The following AGK variants were observed in gnomAD, a reference collection of about 807,000 sequenced individuals.
AGK encodes the protein acylglycerol kinase.
AGK carries 52 observed loss-of-function variants against 66.4 expected under a neutral mutation model. That is an observed-to-expected ratio of 0.78 (90% CI 0.63 to 0.99). The LOEUF is 0.99. Ranked by LOEUF, AGK falls within the 50% of genes least tolerant of loss-of-function variation. The pLI is 0.00. For synonymous variants in AGK, 182 were observed against 181.1 expected (o/e 1.00, Z -0.04); for missense variants, 451 against 506.6 (o/e 0.89, Z 1.05).
intron 11 of AGK, among the ~76,000 whole-genome samples, chr7:141,637,717 G>A (rs1447563862): frequency 1.3e-5 from 2 of 152,188 alleles, no homozygotes; most frequent in Non-Finnish European, 2.9e-5. Context: ...TTTGAATGTA[G>A]TGAGAAGGTT....
chr7:141,626,562 C>T (rs549848116), intron 9 of AGK, among the ~76,000 whole-genome samples: 9 of 152,228 alleles, frequency 5.9e-5, no homozygotes, highest in East Asian at 1.9e-4. Flanking sequence ...GTCTGCCTCC[C>T]GAAGTGATAT....
At position 141,649,483 on chromosome 7, in the gene AGK, T is replaced by G. The variant is rs149222194; in HGVS notation, c.1046+150T>G. ...GTTATTTCTTTCCTATGGGCTGACA[T>G]GTAGAGTGCCCCTCTCCTATGCTGG... On this transcript the variant is annotated intron_variant, in intron 14 of 15. Coordinates refer to ENST00000649286, the MANE Select transcript of AGK (RefSeq NM_018238.4). 2.2e-3 allele frequency: 1,410 copies of G among 633,328 alleles called. 28 individuals are homozygous for G. The Admixed American group carries it at 0.035, about 16-fold the overall frequency. The allele number at this position is 633,328 out of a possible 1,614,324, so 39.2% of individuals were successfully genotyped here. A position where few individuals can be genotyped will look rare whatever the true frequency, so the allele number is the denominator to read the frequency against.
At chr7:141,582,445 T>G (rs1795900758) in intron 2 of AGK, among the ~76,000 whole-genome samples, 1 of 152,026 alleles carries the variant, frequency 6.6e-6, no homozygotes, top group Admixed American at 6.5e-5. Flanking sequence ...AATTAAGTTC[T>G]ATTGTGGGGT....
intron 9 of AGK, among the ~76,000 whole-genome samples, chr7:141,624,436 T>G (rs1796892497): frequency 6.6e-6 from 1 of 152,168 alleles, no homozygotes; most frequent in Non-Finnish European, 1.5e-5. Context: ...CTGGAAACGA[T>G]TCACCATTCT....
At chr7:141,622,236 A>C (rs760462625) in intron 9 of AGK, among the ~76,000 whole-genome samples, 1 of 152,026 alleles carries the variant, frequency 6.6e-6, no homozygotes, top group South Asian at 2.1e-4. Context: ...AATTACAGGC[A>C]CCCACCTCCA....
At chr7:141,632,940 C>T (rs1797089469) in intron 9 of AGK, among the ~76,000 whole-genome samples, 1 of 152,202 alleles carries the variant, frequency 6.6e-6, no homozygotes, top group African/African-American at 2.4e-5. Context: ...GTAGTGGAAA[C>T]AGGAGTGAAT....
intron 2 of AGK, among the ~76,000 whole-genome samples, chr7:141,589,051 T>C (rs1447436358): frequency 6.6e-6 from 1 of 152,156 alleles, no homozygotes; most frequent in Non-Finnish European, 1.5e-5. Context: ...TCCTGTGACT[T>C]AGAATGCCCT....
chr7:141,652,107 A>T (rs966685075), intron 15 of AGK, among the ~76,000 whole-genome samples: 1 of 152,192 alleles, frequency 6.6e-6, no homozygotes, highest in Admixed American at 6.6e-5. Flanking sequence ...TTGGGAGGTT[A>T]TTCAATTGTC....
rs1412221625 is a variant in AGK, at chr7:141,555,771, ATAAAG to A, written c.101+207_101+211del. 2.0e-5 allele frequency among the ~76,000 whole-genome samples: 3 copies of A among 152,276 alleles called. No homozygotes were observed. The highest frequency in any genetic ancestry group is 7.2e-5 in the African/African-American group (3 of 41,480). ...CATACTTATATCCAGTGGTTAGAGA[ATAAAG>A]TAGAGACATCAGAAAGGAAGCTATT... On this transcript the variant is annotated intron_variant, in intron 2 of 15. Transcript: ENST00000649286. The surrounding 1 kb of genome is among the most constrained non-coding windows in gnomAD (Gnocchi z 4.2).
chr7:141,593,111 A>C (rs1476956943), intron 2 of AGK, 35 bp from the exon 3 acceptor site: 1 of 1,590,132 alleles, frequency 6.3e-7, no homozygotes, highest in Non-Finnish European at 8.6e-7. Flanking sequence ...AATCTATTAA[A>C]GCTAATGATT....
intron 2 of AGK, among the ~76,000 whole-genome samples, chr7:141,582,646 G>A (rs1187072160): frequency 1.3e-5 from 2 of 151,952 alleles, no homozygotes; most frequent in African/African-American, 2.4e-5. Context: ...GAGCCTAAAC[G>A]CTAACCAATT....
intron 2 of AGK, among the ~76,000 whole-genome samples, chr7:141,566,825 A>G (rs958814912): frequency 6.6e-6 from 1 of 151,804 alleles, no homozygotes; most frequent in Non-Finnish European, 1.5e-5. Context: ...TCTCTCCCCT[A>G]TTTGTCAGAA....
rs186979560 is a variant in AGK at position 141,571,634 on chromosome 7, A to C, written c.101+16067A>C. ...ATGTGATCAGCTTGACCCATCCATG[A>C]AAGTTAAGAAGGATCACTTCTTAGA... On this transcript the variant is annotated intron_variant, in intron 2 of 15. Coordinates refer to ENST00000649286, the MANE Select transcript of AGK (RefSeq NM_018238.4). Among the ~76,000 whole-genome samples, 3 of 152,296 alleles carry C rather than the reference A, an allele frequency of 2.0e-5. No homozygotes were observed. The East Asian group carries it at 5.8e-4, about 29-fold the overall frequency.
intron 11 of AGK, among the ~76,000 whole-genome samples, chr7:141,639,462 C>A (rs1314907271): frequency 1.3e-5 from 2 of 152,088 alleles, no homozygotes; most frequent in African/African-American, 4.8e-5. Flanking sequence ...TGGCAAAATC[C>A]AAGAGCGGGT....
Position 141,611,100 on chromosome 7 carries a change from A to G in AGK, c.298-95A>G, listed in dbSNP as rs545172328. On this transcript the variant is annotated intron_variant, in intron 5 of 15. Coordinates refer to ENST00000649286, the MANE Select transcript of AGK (RefSeq NM_018238.4). ...TATGTAAAATTTACGAAGACAGTCA[A>G]TGTAAAACTTTAAAGAAGATATCCC... 29 of 686,792 alleles carry G rather than the reference A, an allele frequency of 4.2e-5. No homozygotes were observed. In the Middle Eastern group the frequency reaches 8.4e-4, roughly 20 times the overall value. The allele number at this position is 686,792 out of a possible 1,614,324, so 42.5% of individuals were successfully genotyped here.
At chr7:141,617,811 T>C (rs539412133) in intron 8 of AGK, among the ~76,000 whole-genome samples, 1 of 152,322 alleles carries the variant, frequency 6.6e-6, no homozygotes, top group South Asian at 2.1e-4. Flanking sequence ...TCTCTCAGTG[T>C]GTTAAATACT....
At chr7:141,615,606 G>A (rs1216765738) in intron 8 of AGK, 41 bp downstream of exon 8, 11 of 1,506,960 alleles carry the variant, frequency 7.3e-6, no homozygotes, top group Admixed American at 5.0e-5. Flanking sequence ...GTGGGTGAGC[G>A]AGACTGGGAA....
In AGK at chr7:141,557,686, A is replaced by T. The variant is rs545644827; in HGVS notation, c.101+2119A>T. Among the ~76,000 whole-genome samples, 14 of 152,334 alleles carry T rather than the reference A, an allele frequency of 9.2e-5. No individual in the cohort carries two copies. In the South Asian group the frequency reaches 2.9e-3, roughly 32 times the overall value. On this transcript the variant is annotated intron_variant, in intron 2 of 15. Transcript: ENST00000649286. ...TTGGATCTGAAACAGCTTGAGCCAGAAGTGTGGTGGCAGCCTGGAGGCCTC... is the reference window on the plus strand; with the variant it reads ...TTGGATCTGAAACAGCTTGAGCCAGTAGTGTGGTGGCAGCCTGGAGGCCTC...
chr7:141,601,212 A>G lies in AGK; in HGVS notation c.229A>G (p.Arg77Gly). ...LNPAACKGKA[R>G]TLFEKNAAPI... ...TTTTTCCTTTGTTAACAGAAAAGCC[A>G]GGACTCTATTTGAAAAAAATGCTGC... Residue 77 changes from arginine (R) to glycine (G), a missense_variant, in exon 5 of 16, where the codon AGG becomes GGG. By Grantham distance (125) the Arg-to-Gly change is moderately radical (BLOSUM62 -2). Transcript: ENST00000649286. 1.9e-6 allele frequency: 3 copies of G among 1,611,612 alleles called. 1 individual carries two copies. Among genetic ancestry groups the G allele is most frequent in the African/African-American group, 2.7e-5 (2 of 74,978 alleles).
Sources: allele counts gnomAD v4.1 joint callset (sites outside exome capture counted in the v4.1 genomes callset), GRCh38; gene constraint gnomAD v4.1.1; non-coding constraint Gnocchi (gnomAD v3.1); transcripts MANE v1.5; gene names NCBI Gene and HGNC (gene_info 2026-07-23, HGNC 2026-07-21).